The following PDSS2 variants were observed in gnomAD, a reference collection of about 807,000 sequenced individuals.
PDSS2 encodes all trans-polyprenyl-diphosphate synthase PDSS2.
A neutral mutation model predicts 44.5 loss-of-function variants in PDSS2; 31 were observed. The observed-to-expected ratio is 0.70, with a 90% CI of 0.52 to 0.94. The LOEUF is 0.94. Ranked by LOEUF, PDSS2 falls within the 40% of genes least tolerant of loss-of-function variation. The pLI is 0.00. For missense variants in PDSS2, 452 were observed against 482.2 expected (o/e 0.94, Z 0.59); for synonymous variants, 157 against 180.3 (o/e 0.87, Z 1.03).
Position 107,334,330 on chromosome 6 carries a change from C to A in PDSS2, c.299G>T (p.Gly100Val). The A allele has an allele frequency of 6.2e-7, 1 of 1,613,402 alleles. No individual in the cohort carries two copies. The highest frequency in any genetic ancestry group is 8.5e-7 in the Non-Finnish European group (1 of 1,179,678). Residue 100 changes from glycine (G) to valine (V), a missense_variant and splice_region_variant, in exon 2 of 8, where the codon GGG (glycine) becomes GTG (valine). Physicochemically the swap from Gly to Val is moderately radical, Grantham distance 109. Transcript: ENST00000369037. ...GCTATTCCAGCTGTCATGTACAAGC[C>A]CCCTGCCAACAAGCAAAGAAGGAAG... The part of the protein sequence containing the change: ...TQHPLLTTAR[G>V]LVHDSWNSLQ...
chr6:107,193,728 G>A, intron 7 of PDSS2, 94 bp downstream of exon 7: 1 of 814,320 alleles, frequency 1.2e-6, no homozygotes, highest in Non-Finnish European at 2.2e-6. Context: ...AGCTCTCAAT[G>A]TGATCATTCT....
rs139492047 is a variant in PDSS2 at position 107,457,000 on chromosome 6, A to ATGTG, written c.296+1986_296+1989dup. Among the ~76,000 whole-genome samples, 1,348 of 152,292 alleles carry ATGTG rather than the reference A, an allele frequency of 8.9e-3. 50 individuals are homozygous for ATGTG. In the East Asian group the frequency reaches 0.12, roughly 13 times the overall value. ...ATTCGTTTCATTAAGCTTTAAACAT[A>ATGTG]TGTGTATGTGTTTTGAGTGTGTATC... is the stretch of plus-strand genomic sequence containing the variant. On this transcript the variant is annotated intron_variant, in intron 1 of 7. Transcript: ENST00000369037.
At chr6:107,375,761 A>G (rs1779266717) in intron 1 of PDSS2, among the ~76,000 whole-genome samples, 1 of 152,234 alleles carries the variant, frequency 6.6e-6, no homozygotes, top group Non-Finnish European at 1.5e-5. Flanking sequence ...ATCCTTTATG[A>G]TATCAGATGC....
At chr6:107,164,154 T>C (rs9398117) in intron 7 of PDSS2, among the ~76,000 whole-genome samples, 42,413 of 142,238 alleles carry the variant, frequency 0.3, 7,026 homozygotes, top group Non-Finnish European at 0.38. Context: ...GTTTTGGGTT[T>C]ATACTTAAAA....
chr6:107,162,610 A>ATTTTTTTTTTTTTT lies in PDSS2; in HGVS notation c.1042-7847_1042-7834dup, dbSNP rs71012782. On this transcript the variant is annotated intron_variant, in intron 7 of 7. Transcript: ENST00000369037. ...TTTTTATTTTGTCAAGAATTCCCTA[A>ATTTTTTTTTTTTTT]TTTTTTTTTTTTTTTGAGATGGAGT... 9.9e-4 allele frequency among the ~76,000 whole-genome samples: 114 copies of ATTTTTTTTTTTTTT among 115,552 alleles called. 6 individuals carry two copies. The highest frequency in any genetic ancestry group is 3.4e-3 in the African/African-American group (97 of 28,666). 75.8% of individuals were successfully genotyped at this position (115,552 alleles called of 152,430 possible).
At chr6:107,289,209 C>T (rs1028088812) in intron 2 of PDSS2, among the ~76,000 whole-genome samples, 1 of 151,090 alleles carries the variant, frequency 6.6e-6, no homozygotes, top group Non-Finnish European at 1.5e-5. Context: ...CCCATCTCTA[C>T]TAAAAATACA....
chr6:107,266,423 C>T (rs1775414514), intron 3 of PDSS2, among the ~76,000 whole-genome samples: 1 of 151,042 alleles, frequency 6.6e-6, no homozygotes, highest in African/African-American at 2.4e-5. Context: ...CTGGTAGAGC[C>T]TTCAATGACC....
At chr6:107,413,612 G>C (rs1481785237) in intron 1 of PDSS2, among the ~76,000 whole-genome samples, 12 of 152,156 alleles carry the variant, frequency 7.9e-5, no homozygotes. Flanking sequence ...TTACAGATGT[G>C]TGCCACCATG....
At chr6:107,458,528 A>T (rs2114898823) in intron 1 of PDSS2, among the ~76,000 whole-genome samples, 1 of 152,090 alleles carries the variant, frequency 6.6e-6, no homozygotes, top group Non-Finnish European at 1.5e-5. Flanking sequence ...ATAAATTCCT[A>T]CTTCAACCCC....
At chr6:107,442,064 G>A (rs1025961352) in intron 1 of PDSS2, among the ~76,000 whole-genome samples, 5 of 152,148 alleles carry the variant, frequency 3.3e-5, no homozygotes, top group South Asian at 2.1e-4. Context: ...GCCCTAGAGC[G>A]TCCCCAGTTC....
Position 107,234,257 on chromosome 6 carries a change from G to A in PDSS2, c.702+11291C>T, listed in dbSNP as rs551093233. 4.6e-5 allele frequency among the ~76,000 whole-genome samples: 7 copies of A among 151,414 alleles called. No homozygotes were observed. In the South Asian group the frequency reaches 1.5e-3, roughly 32 times the overall value. The stretch of plus-strand genomic sequence containing the variant: ...GTCTCACTTTGTTGCCCAGGCTGGA[G>A]TGCAATGGTGCCATCTCGGCTCACT... On this transcript the variant is annotated intron_variant, in intron 4 of 7. Transcript: ENST00000369037.
chr6:107,419,574 T>C (rs1377827519), intron 1 of PDSS2, among the ~76,000 whole-genome samples: 1 of 152,196 alleles, frequency 6.6e-6, no homozygotes, highest in Non-Finnish European at 1.5e-5. Context: ...TTACAGTATG[T>C]TTTAGAAATG....
intron 1 of PDSS2, among the ~76,000 whole-genome samples, chr6:107,386,377 T>TC (rs1491554896): frequency 9.0e-6 from 1 of 111,662 alleles, no homozygotes; most frequent in Non-Finnish European, 2.1e-5. Flanking sequence ...TATGTCATTT[T>TC]CTAAAAAAAA....
intron 1 of PDSS2, among the ~76,000 whole-genome samples, chr6:107,434,997 C>A (rs1781304758): frequency 6.6e-6 from 1 of 151,818 alleles, no homozygotes; most frequent in Non-Finnish European, 1.5e-5. Context: ...TTGATTAGGG[C>A]TGGGCACAGT....
chr6:107,184,345 A>G (rs1772091363), intron 7 of PDSS2, among the ~76,000 whole-genome samples: 1 of 152,170 alleles, frequency 6.6e-6, no homozygotes, highest in African/African-American at 2.4e-5. Context: ...TACTATATAC[A>G]AAAAATTTCT....
chr6:107,239,681 G>T (rs1316252025), intron 4 of PDSS2, among the ~76,000 whole-genome samples: 3 of 108,710 alleles, frequency 2.8e-5, no homozygotes, highest in Non-Finnish European at 5.0e-5. Context: ...TCGCTCTGTT[G>T]CCCAGGCTGG....
rs573160438 is a variant in PDSS2, at chr6:107,265,123, C to A, written c.630+8906G>T. Among the ~76,000 whole-genome samples, 151 of 152,240 alleles carry A rather than the reference C, an allele frequency of 9.9e-4. 2 individuals are homozygous for A. The highest frequency in any genetic ancestry group is 3.4e-3 in the African/African-American group (140 of 41,552). Reference sequence around the variant, plus strand: ...TTACCAGAGGATTAATAAACAATTTCTATACTTGAAGATATTTAAAAATCT... The same window carrying A: ...TTACCAGAGGATTAATAAACAATTTATATACTTGAAGATATTTAAAAATCT... On this transcript the variant is annotated intron_variant, in intron 3 of 7. Transcript: ENST00000369037.
At chr6:107,245,486 G>T in intron 4 of PDSS2, 62 bp downstream of exon 4, 1 of 600,608 alleles carries the variant, frequency 1.7e-6, no homozygotes, top group Non-Finnish European at 2.8e-6. Context: ...TGACATTTTC[G>T]TTATTCTAGT....
chr6:107,234,666 T>C (rs1774167627), intron 4 of PDSS2, among the ~76,000 whole-genome samples: 1 of 152,164 alleles, frequency 6.6e-6, no homozygotes, highest in Admixed American at 6.5e-5. Flanking sequence ...ACTAAACTTA[T>C]CTGCTTCTCT....
Sources: gnomAD v4.1 joint callset for allele counts (sites outside exome capture counted in the v4.1 genomes callset) on GRCh38, gnomAD v4.1.1 for gene constraint, MANE v1.5 for transcripts, NCBI Gene and HGNC (gene_info 2026-07-23, HGNC 2026-07-21) for gene names.